Variants in UBE2E2 observed in about 807,000 individuals in gnomAD.
UBE2E2 encodes the protein ubiquitin-conjugating enzyme E2 E2.
A neutral mutation model predicts 24.7 loss-of-function variants in UBE2E2; 6 were observed. The observed-to-expected ratio is 0.24, with a 90% CI of 0.13 to 0.48. The LOEUF is 0.48. Ranked by LOEUF, UBE2E2 falls within the 20% of genes least tolerant of loss-of-function variation. The pLI is 0.99. For missense variants in UBE2E2, 169 were observed against 245.0 expected (o/e 0.69, Z 2.07); for synonymous variants, 104 against 83.6 (o/e 1.24, Z -1.33).
At chr3:23,256,794 G>T (rs571954854) in intron 3 of UBE2E2, among the ~76,000 whole-genome samples, 1 of 152,218 alleles carries the variant, frequency 6.6e-6, no homozygotes, top group South Asian at 2.1e-4. Context: ...ATGCGTCCTT[G>T]CTCTCACACA....
At chr3:23,368,554 CATATA>C (rs1170688984) in intron 3 of UBE2E2, among the ~76,000 whole-genome samples, 1 of 152,108 alleles carries the variant, frequency 6.6e-6, no homozygotes, top group East Asian at 1.9e-4. Flanking sequence ...ATTTTTGGTA[CATATA>C]ATATAAAGTT....
intron 3 of UBE2E2, among the ~76,000 whole-genome samples, chr3:23,228,276 C>T (rs774703219): frequency 9.2e-5 from 14 of 151,972 alleles, no homozygotes; most frequent in African/African-American, 1.9e-4. Context: ...GCTTTAAAAA[C>T]GATAAAATAA....
At chr3:23,525,832 G>GA (rs1694983771) in intron 4 of UBE2E2, among the ~76,000 whole-genome samples, 1 of 152,222 alleles carries the variant, frequency 6.6e-6, no homozygotes, top group Non-Finnish European at 1.5e-5. Flanking sequence ...TCAGAGATCG[G>GA]AGTAGTCTTG....
At chr3:23,385,622 C>T (rs1479820233) in intron 3 of UBE2E2, among the ~76,000 whole-genome samples, 10 of 152,124 alleles carry the variant, frequency 6.6e-5, no homozygotes. Context: ...TTTAGCAGAG[C>T]CAAATCTCAT....
chr3:23,357,657 GA>G (rs1695996646), intron 3 of UBE2E2, among the ~76,000 whole-genome samples: 2 of 151,926 alleles, frequency 1.3e-5, no homozygotes, highest in Non-Finnish European at 2.9e-5. Context: ...TCTGTTTCCA[GA>G]AAACAGTAAA....
chr3:23,227,989 G>C (rs1696870604), intron 3 of UBE2E2, among the ~76,000 whole-genome samples: 1 of 152,134 alleles, frequency 6.6e-6, no homozygotes, highest in African/African-American at 2.4e-5. Flanking sequence ...GGCTTTAAAA[G>C]GCTGGCTGCT....
At chr3:23,349,596 C>T (rs547172234) in intron 3 of UBE2E2, among the ~76,000 whole-genome samples, 16 of 152,338 alleles carry the variant, frequency 1.1e-4, no homozygotes, top group Admixed American at 5.2e-4. Flanking sequence ...ACGCAAGGCT[C>T]GGAGGGTCCT....
At chr3:23,242,924 A>G (rs919949097) in intron 3 of UBE2E2, among the ~76,000 whole-genome samples, 3 of 151,942 alleles carry the variant, frequency 2.0e-5, no homozygotes, top group African/African-American at 7.3e-5. Flanking sequence ...TGTCTCTACT[A>G]AAAACACAAA....
chr3:23,335,250 TAAA>T (rs1404289985), intron 3 of UBE2E2, among the ~76,000 whole-genome samples: 3 of 152,082 alleles, frequency 2.0e-5, no homozygotes, highest in African/African-American at 7.2e-5. Context: ...GGGTAAAAAT[TAAA>T]GAAGCTGATA....
intron 3 of UBE2E2, among the ~76,000 whole-genome samples, chr3:23,306,777 A>G (rs1699247511): frequency 6.6e-6 from 1 of 152,154 alleles, no homozygotes; most frequent in Non-Finnish European, 1.5e-5. Context: ...ATGGATGCTG[A>G]TTTTAGAACC....
At chr3:23,354,903 C>T (rs1317550842) in intron 3 of UBE2E2, among the ~76,000 whole-genome samples, 1 of 152,126 alleles carries the variant, frequency 6.6e-6, no homozygotes. Flanking sequence ...AACTATAAAT[C>T]ATGCTGCTAT....
intron 3 of UBE2E2, among the ~76,000 whole-genome samples, chr3:23,275,066 G>T (rs568156074): frequency 6.6e-6 from 1 of 152,220 alleles, no homozygotes; most frequent in Non-Finnish European, 1.5e-5. Context: ...TGTGTAAAGC[G>T]TTGTGTTAGG....
At chr3:23,357,272 A>C (rs948057102) in intron 3 of UBE2E2, among the ~76,000 whole-genome samples, 13 of 152,172 alleles carry the variant, frequency 8.5e-5, no homozygotes, top group African/African-American at 3.1e-4. Context: ...AGAAGCAAGA[A>C]ATTATAATGG....
intron 3 of UBE2E2, among the ~76,000 whole-genome samples, chr3:23,228,020 T>C (rs1187102797): frequency 6.6e-6 from 1 of 152,226 alleles, no homozygotes; most frequent in Non-Finnish European, 1.5e-5. Context: ...AATGGGGAAC[T>C]TTATGTATAA....
chr3:23,259,871 A>G (rs765550035), intron 3 of UBE2E2, among the ~76,000 whole-genome samples: 3 of 152,220 alleles, frequency 2.0e-5, no homozygotes, highest in Non-Finnish European at 2.9e-5. Flanking sequence ...TATAGTGTCA[A>G]TAAGAGGTGT....
At chr3:23,318,089 T>A (rs555627680) in intron 3 of UBE2E2, among the ~76,000 whole-genome samples, 21 of 152,266 alleles carry the variant, frequency 1.4e-4, no homozygotes, top group Non-Finnish European at 2.4e-4. Context: ...TTCTAATGGA[T>A]AATTCCAAGC....
chr3:23,203,200 G>T, upstream of UBE2E2: 2 of 986,418 alleles, frequency 2.0e-6, no homozygotes, highest in Non-Finnish European at 2.4e-6. Flanking sequence ...CGACAGCCGC[G>T]GGCAGCAGCC....
intron 3 of UBE2E2, among the ~76,000 whole-genome samples, chr3:23,413,415 A>G (rs566989461): frequency 1.3e-5 from 2 of 152,138 alleles, no homozygotes; most frequent in Non-Finnish European, 2.9e-5. Context: ...TTAAATTTCA[A>G]GTTACAACCA....
At chr3:23,484,354 A>G (rs1032906022) in intron 3 of UBE2E2, among the ~76,000 whole-genome samples, 4 of 152,170 alleles carry the variant, frequency 2.6e-5, no homozygotes, top group African/African-American at 9.7e-5. Context: ...GAGAGAACCT[A>G]ATGTTTCTTT....
Sources: gnomAD v4.1 joint callset for allele counts (sites outside exome capture counted in the v4.1 genomes callset) on GRCh38, gnomAD v4.1.1 for gene constraint, MANE v1.5 for transcripts, NCBI Gene and HGNC (gene_info 2026-07-23, HGNC 2026-07-21) for gene names.